TRIM24: variants seen among roughly 807,000 people sequenced by gnomAD.
TRIM24 encodes the protein transcription intermediary factor 1-alpha.
Under a neutral mutation model 123.9 loss-of-function variants are expected in TRIM24, and 29 were observed. That is an observed-to-expected ratio of 0.23 (90% confidence interval 0.17 to 0.32). The LOEUF (loss-of-function observed/expected upper bound fraction) is 0.32, where lower values mean the gene tolerates loss of function less well. Among genes scored for constraint, TRIM24 ranks in the 10% least tolerant of loss-of-function variants. The probability of loss-of-function intolerance (pLI) is 1.00; values close to 1 mark genes in which losing one functional copy is unlikely to be tolerated. For missense variants in TRIM24, 932 were observed against 1,295.3 expected, an observed-to-expected ratio of 0.72 and a Z score of 4.31; for synonymous variants, 456 against 461.1, an observed-to-expected ratio of 0.99 and a Z score of 0.14.
At chr7:138,465,988 A>G (rs971319979) in intron 1 of TRIM24, among the ~76,000 whole-genome samples, 22 of 152,002 alleles carry the variant, frequency 1.4e-4, no homozygotes, top group African/African-American at 5.3e-4. Flanking sequence ...AGTTTTGGGT[A>G]TTGTCTTTAA....
chr7:138,578,563 TGC>T (rs1554445378), intron 14 of TRIM24, among the ~76,000 whole-genome samples: 131 of 145,084 alleles, frequency 9.0e-4, no homozygotes, highest in African/African-American at 3.0e-3. Context: ...TGTGTGTGTG[TGC>T]GCGCACGCAC....
At chr7:138,538,879 T>G in intron 7 of TRIM24, 76 bp downstream of exon 7, 1 of 1,341,488 alleles carries the variant, frequency 7.5e-7, no homozygotes, top group Non-Finnish European at 1.0e-6. Flanking sequence ...TGCTTAAAAT[T>G]TATTCTGCTT....
In TRIM24 at chr7:138,583,949, T is replaced by G; in HGVS notation, c.2893T>G (p.Phe965Val). The change falls in exon 18 of 19, where the codon TTT (phenylalanine) becomes GTT (valine). Residue 965 changes from phenylalanine (F) to valine (V), a missense_variant. Around this residue, in one of 7 missense-constraint regions of TRIM24, gnomAD observed 104 missense variants for 121.5 expected, o/e 0.86. Coordinates refer to ENST00000343526, the MANE Select transcript of TRIM24 (RefSeq NM_015905.3). ...TTCCATGTACTCAAAACCTGAAGAT[T>G]TTGTAGCTGATTTTAGATTGATCTT... is the stretch of plus-strand genomic sequence containing the variant. ...DYSMYSKPED[F>V]VADFRLIFQN... 1 of 1,609,612 alleles carries G rather than the reference T, an allele frequency of 6.2e-7. No homozygotes were observed. Among genetic ancestry groups the G allele is most frequent in the Non-Finnish European group, 8.5e-7 (1 of 1,178,896 alleles).
rs1794935624 is a variant in TRIM24 at position 138,460,556 on chromosome 7, TGGCGGTGGAGAA to T, written c.17_28del (p.Glu6_Val9del). 7.6e-6 allele frequency: 10 copies of T among 1,307,346 alleles called. No individual in the cohort carries two copies. Among genetic ancestry groups the T allele is most frequent in the African/African-American group, 3.1e-5 (2 of 64,490 alleles). 81.0% of individuals were successfully genotyped at this position (1,307,346 alleles called of 1,614,324 possible). A position where few individuals can be genotyped will look rare whatever the true frequency, so the allele number is the denominator to read the frequency against. ...GGCGGCAAGGGCAGGACAATGGAGGTGGCGGTGGAGAAGGCGGTGGCGGCGGCGGCAGCGGCC... is the reference window on the plus strand; with the variant it reads ...GGCGGCAAGGGCAGGACAATGGAGGTGGCGGTGGCGGCGGCGGCAGCGGCC... On this transcript the variant is annotated inframe_deletion, in exon 1 of 19. Transcript: ENST00000343526.
intron 2 of TRIM24, among the ~76,000 whole-genome samples, chr7:138,511,428 G>A (rs1174828701): frequency 6.6e-6 from 1 of 151,754 alleles, no homozygotes; most frequent in Non-Finnish European, 1.5e-5. Context: ...AGCCTCCCGA[G>A]CAGCTGGGAT....
At chr7:138,581,898 C>T (rs1486627398) in intron 17 of TRIM24, 127 bp downstream of exon 17, 3 of 673,148 alleles carry the variant, frequency 4.5e-6, no homozygotes, top group Non-Finnish European at 7.3e-6. Flanking sequence ...CTTAATAATA[C>T]ATACTGAATG....
At chr7:138,484,621 A>G (rs915172595) in intron 1 of TRIM24, among the ~76,000 whole-genome samples, 1 of 152,096 alleles carries the variant, frequency 6.6e-6, no homozygotes, top group Admixed American at 6.6e-5. Flanking sequence ...TTTTATGTTT[A>G]TGAATTACCT....
At chr7:138,571,256 GCCAC>G (rs1421437808) in intron 11 of TRIM24, among the ~76,000 whole-genome samples, 1 of 152,184 alleles carries the variant, frequency 6.6e-6, no homozygotes, top group East Asian at 1.9e-4. Context: ...CTGAGATCAT[GCCAC>G]TGCACTCTAG....
At chr7:138,544,911 A>G (rs952496298) in intron 7 of TRIM24, among the ~76,000 whole-genome samples, 2 of 152,222 alleles carry the variant, frequency 1.3e-5, no homozygotes, top group Non-Finnish European at 2.9e-5. Context: ...CCAGTTGAGC[A>G]TCCCAACGGA....
chr7:138,522,711 T>C (rs1265822883), intron 4 of TRIM24, among the ~76,000 whole-genome samples: 2 of 152,154 alleles, frequency 1.3e-5, no homozygotes, highest in African/African-American at 2.4e-5. Context: ...AAATGCACAC[T>C]GAATTATTAA....
chr7:138,499,808 T>C (rs79579005), intron 1 of TRIM24, among the ~76,000 whole-genome samples: 1 of 149,956 alleles, frequency 6.7e-6, no homozygotes, highest in Admixed American at 6.6e-5. Flanking sequence ...AGCATTCTGT[T>C]TTTTTTTTTT....
intron 11 of TRIM24, among the ~76,000 whole-genome samples, chr7:138,571,226 G>A (rs1484666608): frequency 6.6e-6 from 1 of 152,174 alleles, no homozygotes. Flanking sequence ...AGCTACTTGG[G>A]AGGCGGAGGC....
intron 6 of TRIM24, among the ~76,000 whole-genome samples, chr7:138,531,286 T>C (rs1406365118): frequency 6.7e-6 from 1 of 148,700 alleles, no homozygotes; most frequent in African/African-American, 2.6e-5. Context: ...GTTACATATG[T>C]ATACATGTGC....
intron 1 of TRIM24, among the ~76,000 whole-genome samples, chr7:138,483,690 T>C (rs1795581535): frequency 6.6e-6 from 1 of 152,158 alleles, no homozygotes; most frequent in Admixed American, 6.6e-5. Context: ...GGACACTACA[T>C]TGCCAGGCAG....
rs756999303 is a variant in TRIM24, at chr7:138,460,813, C to A, written c.265C>A (p.Leu89Ile). ...CTGCCTGCCCGCGCCCCAGCGCTAC[C>A]TCATGCTGCCCGCGCCCATGCTGGG... is the stretch of plus-strand genomic sequence containing the variant. ...QRCLPAPQRY[L>I]MLPAPMLGSA... Residue 89 changes from leucine (L) to isoleucine (I), a missense_variant, in exon 1 of 19, where the codon CTC (leucine) becomes ATC (isoleucine). Transcript: ENST00000343526. The A allele has an allele frequency of 6.3e-7, 1 of 1,581,298 alleles. No homozygotes were observed. The highest frequency in any genetic ancestry group is 8.6e-7 in the Non-Finnish European group (1 of 1,168,310).
chr7:138,541,357 G>A (rs1796999979), intron 7 of TRIM24, among the ~76,000 whole-genome samples: 1 of 152,246 alleles, frequency 6.6e-6, no homozygotes, highest in Non-Finnish European at 1.5e-5. Flanking sequence ...TGGATGTTGT[G>A]TTAGCGGGCA....
chr7:138,584,080 G>T, intron 18 of TRIM24, 81 bp downstream of exon 18: 1 of 1,456,778 alleles, frequency 6.9e-7, no homozygotes. Context: ...GTCAACATAG[G>T]AGACCAAGAT....
chr7:138,581,798 G>A (rs1305966578), intron 17 of TRIM24, 27 bp downstream of exon 17: 1 of 1,553,414 alleles, frequency 6.4e-7, no homozygotes, highest in East Asian at 2.2e-5. Flanking sequence ...TTTTCTGCAT[G>A]TTTACACAGT....
intron 7 of TRIM24, among the ~76,000 whole-genome samples, chr7:138,541,003 A>C (rs1796992039): frequency 1.3e-5 from 2 of 152,036 alleles, no homozygotes; most frequent in African/African-American, 4.8e-5. Flanking sequence ...ATGTCCAGCT[A>C]ATTTTTCTAT....
Sources: allele counts gnomAD v4.1 joint callset (sites outside exome capture counted in the v4.1 genomes callset), GRCh38; gene constraint gnomAD v4.1.1; regional missense constraint gnomAD v4.1.1; transcripts MANE v1.5; gene names NCBI Gene and HGNC (gene_info 2026-07-23, HGNC 2026-07-21).